The following ERFL variants were observed in gnomAD, a reference collection of about 807,000 sequenced individuals.
ERFL encodes the protein ETS repressor factor like.
A neutral mutation model predicts 27.9 loss-of-function variants in ERFL; 8 were observed. The observed-to-expected ratio is 0.29, with a 90% CI of 0.17 to 0.52. The LOEUF (loss-of-function observed/expected upper bound fraction) is 0.52. Ranked by LOEUF, ERFL falls within the 20% of genes least tolerant of loss-of-function variation. The pLI is 0.97. For missense variants in ERFL, 294 were observed against 444.4 expected (o/e 0.66, Z 3.04); for synonymous variants, 174 against 202.8 (o/e 0.86, Z 1.21).
Position 41,917,563 on chromosome 19 carries a change from C to A in ERFL, c.-13-4631G>T, listed in dbSNP as rs1282512003. On this transcript the variant is annotated intron_variant, in intron 1 of 5. Coordinates refer to ENST00000597630, the MANE Select transcript of ERFL (RefSeq NM_001365103.2). The surrounding 1 kb of genome is among the most constrained non-coding windows in gnomAD (Gnocchi z 4.8). ...TTTAAATTTCATATCTTCTCCGGGG[C>A]TCTGTCTAAAGAGGAGAGAGACGCG... is the stretch of plus-strand genomic sequence containing the variant. 6.6e-6 allele frequency among the ~76,000 whole-genome samples: 1 copy of A among 150,938 alleles called. No individual in the cohort carries two copies. Among genetic ancestry groups the A allele is most frequent in the Non-Finnish European group, 1.5e-5 (1 of 67,786 alleles).
chr19:41,911,214 G>A (rs1325625104), intron 2 of ERFL, among the ~76,000 whole-genome samples: 2 of 152,124 alleles, frequency 1.3e-5, no homozygotes, highest in Non-Finnish European at 2.9e-5. Flanking sequence ...ATACCCCCAG[G>A]AGCTGGGCAC....
In ERFL at chr19:41,908,596, G is replaced by A; in HGVS notation, c.697C>T (p.Pro233Ser). The change falls in exon 6 of 6, where the codon CCG (proline) becomes TCG (serine). Residue 233 changes from proline to serine, a missense_variant. Pro to Ser is a moderately conservative substitution (Grantham distance 74). Coordinates refer to ENST00000597630, the MANE Select transcript of ERFL (RefSeq NM_001365103.2). The surrounding 1 kb of genome is among the most constrained non-coding windows in gnomAD (Gnocchi z 6.7). ...TTGGGGAAGGGGCCCGTGAGGTACG[G>A]GTTAAAGTTCCAGGGGTACTCAGGG... is the stretch of plus-strand genomic sequence containing the variant. ...AFPEYPWNFN[P>S]YLTGPFPKLP... The A allele has an allele frequency of 8.1e-7, 1 of 1,231,840 alleles. No homozygotes were observed. Among genetic ancestry groups the A allele is most frequent in the Non-Finnish European group, 1.0e-6 (1 of 988,104 alleles). 76.3% of individuals were successfully genotyped at this position (1,231,840 alleles called of 1,614,324 possible).
chr19:41,925,779 G>A (rs1379939238), intron 1 of ERFL, among the ~76,000 whole-genome samples: 4 of 152,136 alleles, frequency 2.6e-5, no homozygotes, highest in Admixed American at 6.5e-5. Context: ...GGATGTGAGC[G>A]ACAGGTGTGC....
chr19:41,908,575 G>A lies in ERFL; in HGVS notation c.718C>T (p.Pro240Ser). Residue 240 changes from proline to serine, a missense_variant, in exon 6 of 6, where the codon CCC (proline) becomes TCC (serine). Transcript: ENST00000597630. The surrounding 1 kb of genome is among the most constrained non-coding windows in gnomAD (Gnocchi z 6.7). ...NFNPYLTGPF[P>S]KLPPSLYPPH... ...GGGTAGAGAGAGGGAGGCAGCTTGG[G>A]GAAGGGGCCCGTGAGGTACGGGTTA... The A allele has an allele frequency of 8.1e-7, 1 of 1,231,808 alleles. No individual in the cohort carries two copies. The highest frequency in any genetic ancestry group is 1.0e-6 in the Non-Finnish European group (1 of 988,090). 76.3% of individuals were successfully genotyped at this position (1,231,808 alleles called of 1,614,324 possible).
rs1599669750 is a variant in ERFL, at chr19:41,908,217, C to T, written c.*11G>A. 8.1e-6 allele frequency: 10 copies of T among 1,231,728 alleles called. No individual in the cohort carries two copies. The East Asian group carries it at 3.2e-4, about 39-fold the overall frequency. The allele number at this position is 1,231,728 out of a possible 1,614,324, so 76.3% of individuals were successfully genotyped here. A position where few individuals can be genotyped will look rare whatever the true frequency, so the allele number is the denominator to read the frequency against. On this transcript the variant is annotated 3_prime_UTR_variant, in exon 6 of 6. Coordinates refer to ENST00000597630, the MANE Select transcript of ERFL (RefSeq NM_001365103.2). The surrounding 1 kb of genome is among the most constrained non-coding windows in gnomAD (Gnocchi z 6.7). ...TCCCTGCCTCAGCAGAATCCATTGC[C>T]CCCTGCCGGCTCAGCTGCCGGTCCC...
chr19:41,922,440 C>T (rs782200994), intron 1 of ERFL, among the ~76,000 whole-genome samples: 6 of 152,072 alleles, frequency 3.9e-5, no homozygotes, highest in Middle Eastern at 3.4e-3. Context: ...GACTGAGATG[C>T]GGGAGCACAC....
At chr19:41,922,190 G>GC (rs1353671228) in intron 1 of ERFL, among the ~76,000 whole-genome samples, 1 of 152,118 alleles carries the variant, frequency 6.6e-6, no homozygotes, top group Non-Finnish European at 1.5e-5. Context: ...ACCACCAAGG[G>GC]CCAGGGCTCA....
intron 1 of ERFL, among the ~76,000 whole-genome samples, chr19:41,914,631 CT>C (rs2074780025): frequency 1.9e-5 from 1 of 51,676 alleles, no homozygotes. Flanking sequence ...CCATCTCTGT[CT>C]CTGTCTCTCC....
chr19:41,912,528 G>A (rs138361059), intron 2 of ERFL, among the ~76,000 whole-genome samples: 5 of 152,270 alleles, frequency 3.3e-5, no homozygotes, highest in Admixed American at 6.5e-5. Flanking sequence ...TCTTTTCCCC[G>A]CAGGTCCTGC....
chr19:41,927,277 C>A (rs528660503), intron 1 of ERFL, among the ~76,000 whole-genome samples: 1 of 152,216 alleles, frequency 6.6e-6, no homozygotes, highest in South Asian at 2.1e-4. Context: ...GGGCCCCGGC[C>A]CCACGAAGGT....
At chr19:41,923,026 G>T in intron 1 of ERFL, 1 of 404,790 alleles carries the variant, frequency 2.5e-6, no homozygotes, top group Non-Finnish European at 4.9e-6. Flanking sequence ...AGGCGGGAGG[G>T]GGCTGGGGGA....
intron 1 of ERFL, among the ~76,000 whole-genome samples, chr19:41,915,190 C>G (rs979033412): frequency 3.6e-5 from 5 of 138,048 alleles, no homozygotes; most frequent in African/African-American, 5.6e-5. Flanking sequence ...CTCTTCCCGA[C>G]GCTTTCAACT....
rs2074724325 is a variant in ERFL, at chr19:41,907,723, A to ATTTCTGTAGTAAACTCTCTGGAGGTGAC, written c.*477_*504dup. On this transcript the variant is annotated 3_prime_UTR_variant, in exon 6 of 6. Transcript: ENST00000597630. ...CCCGAGTCTCACTCTCTGTTCTTTT[A>ATTTCTGTAGTAAACTCTCTGGAGGTGAC]TTTCTGTAGTAAACTCTCTGGAGGT... 4.1e-6 allele frequency: 1 copy of ATTTCTGTAGTAAACTCTCTGGAGGTGAC among 246,236 alleles called. No homozygotes were observed. Among genetic ancestry groups the ATTTCTGTAGTAAACTCTCTGGAGGTGAC allele is most frequent in the Non-Finnish European group, 7.7e-6 (1 of 129,288 alleles). 15.3% of individuals were successfully genotyped at this position (246,236 alleles called of 1,614,324 possible). A position where few individuals can be genotyped will look rare whatever the true frequency, so the allele number is the denominator to read the frequency against.
chr19:41,913,950 C>A (rs1057371124), intron 1 of ERFL, among the ~76,000 whole-genome samples: 2 of 151,038 alleles, frequency 1.3e-5, no homozygotes, highest in African/African-American at 4.9e-5. Context: ...TCCTGGAGAC[C>A]CCCCAGACGC....
At chr19:41,919,403 A>G (rs1397477532) in intron 1 of ERFL, among the ~76,000 whole-genome samples, 1 of 152,168 alleles carries the variant, frequency 6.6e-6, no homozygotes, top group Non-Finnish European at 1.5e-5. Context: ...AACAGTCATC[A>G]GTGCTCTTTA....
intron 1 of ERFL, among the ~76,000 whole-genome samples, chr19:41,926,678 G>T (rs1427719965): frequency 6.6e-6 from 1 of 152,054 alleles, no homozygotes; most frequent in African/African-American, 2.4e-5. Context: ...GCTGCTTGGC[G>T]ATGCGGAGCG....
At chr19:41,924,764 GCAC>G (rs1231812653) in intron 1 of ERFL, among the ~76,000 whole-genome samples, 1 of 152,178 alleles carries the variant, frequency 6.6e-6, no homozygotes, top group East Asian at 1.9e-4. Context: ...CAGGTGTTAT[GCAC>G]GTGGAGGAAG....
Position 41,910,141 on chromosome 19 carries a change from G to A in ERFL, c.68-44C>T. ...GAGTGGCCTGGGGTCAGGATGCCAA[G>A]TCCAGGGCTCTGGGTCCTGCTGGAC... On this transcript the variant is annotated intron_variant, in intron 2 of 5. Transcript: ENST00000597630. The surrounding 1 kb of genome is among the most constrained non-coding windows in gnomAD (Gnocchi z 4.4). 1 of 1,570,148 alleles carries A rather than the reference G, an allele frequency of 6.4e-7. No homozygotes were observed. The highest frequency in any genetic ancestry group is 8.7e-7 in the Non-Finnish European group (1 of 1,155,894).
chr19:41,921,764 G>A lies in ERFL; in HGVS notation c.-14+6276C>T, dbSNP rs1011343135. Among the ~76,000 whole-genome samples the A allele has an allele frequency of 1.3e-5, 2 of 151,748 alleles. No individual in the cohort carries two copies. Among genetic ancestry groups the A allele is most frequent in the Admixed American group, 6.6e-5 (1 of 15,252 alleles). On this transcript the variant is annotated intron_variant, in intron 1 of 5. Transcript: ENST00000597630. The surrounding 1 kb of genome is among the most constrained non-coding windows in gnomAD (Gnocchi z 4.4). ...AGGCTCAGGTGTAGGCCGGGTGGCG[G>A]GCAGACCTAAGGTGTGGATTCCTCG...
Sources: gnomAD v4.1 joint callset for allele counts (sites outside exome capture counted in the v4.1 genomes callset) on GRCh38, gnomAD v4.1.1 for gene constraint, Gnocchi (gnomAD v3.1) non-coding constraint, MANE v1.5 for transcripts, NCBI Gene and HGNC (gene_info 2026-07-23, HGNC 2026-07-21) for gene names.